The following RFTN2 variants were observed in gnomAD, a reference collection of about 807,000 sequenced individuals.
RFTN2 encodes the protein raftlin-2.
Under a neutral mutation model 52.7 loss-of-function variants are expected in RFTN2, and 34 were observed. The observed-to-expected ratio is 0.64, with a 90% CI of 0.49 to 0.86. The LOEUF is 0.86. Among genes scored for constraint, RFTN2 ranks in the 40% least tolerant of loss-of-function variants. RFTN2 has a pLI of 0.00. For missense variants in RFTN2, 536 were observed against 600.1 expected, an observed-to-expected ratio of 0.89 and a Z score of 1.12; for synonymous variants, 203 against 217.7, an observed-to-expected ratio of 0.93 and a Z score of 0.59.
intron 5 of RFTN2, among the ~76,000 whole-genome samples, chr2:197,625,174 A>C (rs1051023397): frequency 6.6e-6 from 1 of 152,100 alleles, no homozygotes; most frequent in Non-Finnish European, 1.5e-5. Flanking sequence ...TATTCATCTT[A>C]CATAAAAGCC....
chr2:197,586,069 G>A (rs1219461705), intron 8 of RFTN2, among the ~76,000 whole-genome samples: 3 of 152,168 alleles, frequency 2.0e-5, no homozygotes, highest in African/African-American at 4.8e-5. Flanking sequence ...TCCCAGCTCC[G>A]TATTACAGAT....
Position 197,633,988 on chromosome 2 carries a change from C to G in RFTN2, c.448G>C (p.Ala150Pro), listed in dbSNP as rs757142268. 6.2e-7 allele frequency: 1 copy of G among 1,606,046 alleles called. No individual in the cohort carries two copies. The highest frequency in any genetic ancestry group is 8.5e-7 in the Non-Finnish European group (1 of 1,175,634). The change falls in exon 4 of 9, where the codon GCT becomes CCT. Residue 150 changes from alanine to proline, a missense_variant. Transcript: ENST00000295049. ...AKELIEKINV[A>P]AKRGMKFVGF... ...ACAAATTTCATTCCTCTTTTAGCAG[C>G]GACATTAATCTGATATTTAAAAAGA...
chr2:197,600,933 A>G (rs1235139608), intron 7 of RFTN2, among the ~76,000 whole-genome samples: 1 of 152,222 alleles, frequency 6.6e-6, no homozygotes, highest in Non-Finnish European at 1.5e-5. Flanking sequence ...TCTAGTACAA[A>G]CTGTTTTGGT....
rs2088716887 is a variant in RFTN2 at position 197,644,269 on chromosome 2, T to C, written c.327A>G (p.Pro109=). 6 of 1,576,342 alleles carry C rather than the reference T, an allele frequency of 3.8e-6. No homozygotes were observed. The highest frequency in any genetic ancestry group is 5.2e-6 in the Non-Finnish European group (6 of 1,145,690). The change falls in exon 3 of 9, where the codon CCA becomes CCG. Residue 109 remains proline (P), a synonymous_variant. Coordinates refer to ENST00000295049, the MANE Select transcript of RFTN2 (RefSeq NM_144629.3). The part of the protein sequence containing the change: ...RVVLLRLKLS[P]KNSAAPSGQR... ...GTCCACTGGGTGCTGCCGAATTCTT[T>C]GGGCTGTAACAGAGGGAATATGTTT...
intron 1 of RFTN2, among the ~76,000 whole-genome samples, chr2:197,664,309 C>CA (rs1028608374): frequency 6.9e-4 from 103 of 148,964 alleles, no homozygotes; most frequent in African/African-American, 2.1e-3. Flanking sequence ...CCAGTCTCTA[C>CA]AAAAAAAAAT....
intron 5 of RFTN2, among the ~76,000 whole-genome samples, chr2:197,630,035 A>C (rs535287408): frequency 6.6e-6 from 1 of 152,182 alleles, no homozygotes; most frequent in Non-Finnish European, 1.5e-5. Context: ...ACTGAAAAAT[A>C]CTAAGAAATG....
chr2:197,596,715 G>A (rs1338437828), intron 7 of RFTN2, among the ~76,000 whole-genome samples: 1 of 152,060 alleles, frequency 6.6e-6, no homozygotes, highest in East Asian at 1.9e-4. Flanking sequence ...TAAGCTTCTT[G>A]GTATGCATTG....
chr2:197,671,078 C>T (rs2089141663), intron 1 of RFTN2, among the ~76,000 whole-genome samples: 1 of 152,210 alleles, frequency 6.6e-6, no homozygotes, highest in African/African-American at 2.4e-5. Context: ...CCACATGAAT[C>T]TTCTTAAAAC....
Position 197,571,759 on chromosome 2 carries a change from C to T in RFTN2, c.*249G>A, listed in dbSNP as rs988014382. ...CTGAAATAGATTATTGTGTAATAAC[C>T]GAATGGAACATCTGTTTAACCAGAT... is the stretch of plus-strand genomic sequence containing the variant. On this transcript the variant is annotated 3_prime_UTR_variant, in exon 9 of 9. Coordinates refer to ENST00000295049, the MANE Select transcript of RFTN2 (RefSeq NM_144629.3). The T allele has an allele frequency of 3.8e-5, 19 of 503,244 alleles. No individual in the cohort carries two copies. Among genetic ancestry groups the T allele is most frequent in the East Asian group, 1.4e-4 (4 of 29,178 alleles). 31.2% of individuals were successfully genotyped at this position (503,244 alleles called of 1,614,324 possible).
At chr2:197,595,950 T>G in intron 8 of RFTN2, 41 bp downstream of exon 8, 1 of 1,280,844 alleles carries the variant, frequency 7.8e-7, no homozygotes, top group Middle Eastern at 1.9e-4. Context: ...ATTAAATGCT[T>G]CAATATAACA....
chr2:197,669,479 G>T (rs2089112888), intron 1 of RFTN2, among the ~76,000 whole-genome samples: 1 of 151,984 alleles, frequency 6.6e-6, no homozygotes, highest in African/African-American at 2.4e-5. Context: ...TAGGACAGCG[G>T]TCCCCAACTT....
At chr2:197,643,231 G>A (rs373375089) in intron 3 of RFTN2, among the ~76,000 whole-genome samples, 13 of 152,124 alleles carry the variant, frequency 8.5e-5, no homozygotes, top group African/African-American at 3.1e-4. Flanking sequence ...CTACAGGCAT[G>A]TGCCACCACG....
chr2:197,660,245 A>G (rs1406953711), intron 1 of RFTN2, among the ~76,000 whole-genome samples: 2 of 152,260 alleles, frequency 1.3e-5, no homozygotes, highest in Non-Finnish European at 2.9e-5. Context: ...CTTTTAAACC[A>G]TAATAAATTG....
intron 7 of RFTN2, among the ~76,000 whole-genome samples, chr2:197,608,387 C>G (rs1177816357): frequency 6.6e-6 from 1 of 150,570 alleles, no homozygotes; most frequent in Non-Finnish European, 1.5e-5. Flanking sequence ...TGTTGGCTCA[C>G]TGCAACCCCT....
chr2:197,664,791 A>G (rs1460228605), intron 1 of RFTN2, among the ~76,000 whole-genome samples: 2 of 152,172 alleles, frequency 1.3e-5, no homozygotes, highest in Admixed American at 6.5e-5. Flanking sequence ...TCTCAAAAAA[A>G]AATTTTGTTG....
chr2:197,632,207 T>C (rs2088479423), intron 4 of RFTN2, among the ~76,000 whole-genome samples: 1 of 152,206 alleles, frequency 6.6e-6, no homozygotes, highest in South Asian at 2.1e-4. Flanking sequence ...ATAATTCTGA[T>C]ACCTCTTGTT....
intron 3 of RFTN2, among the ~76,000 whole-genome samples, chr2:197,637,231 G>T (rs1317078525): frequency 6.6e-6 from 1 of 151,826 alleles, no homozygotes; most frequent in Non-Finnish European, 1.5e-5. Flanking sequence ...CCCGGCTTTG[G>T]TATCAGAATG....
At chr2:197,641,971 AT>A (rs1436659637) in intron 3 of RFTN2, among the ~76,000 whole-genome samples, 2 of 152,254 alleles carry the variant, frequency 1.3e-5, no homozygotes, top group Admixed American at 1.3e-4. Flanking sequence ...ACGGTAATCT[AT>A]TAAGACTAAA....
chr2:197,622,292 G>T (rs1002150305), intron 5 of RFTN2, among the ~76,000 whole-genome samples: 1 of 152,124 alleles, frequency 6.6e-6, no homozygotes, highest in African/African-American at 2.4e-5. Context: ...CAAAACTACA[G>T]ATTTTTATTT....
Sources: allele counts gnomAD v4.1 joint callset (sites outside exome capture counted in the v4.1 genomes callset), GRCh38; gene constraint gnomAD v4.1.1; transcripts MANE v1.5; gene names NCBI Gene and HGNC (gene_info 2026-07-23, HGNC 2026-07-21).